The following PIK3R3 variants were observed in gnomAD, a reference collection of about 807,000 sequenced individuals.
The protein encoded by PIK3R3 is phosphoinositide-3-kinase regulatory subunit 3, also known as phosphatidylinositol 3-kinase regulatory subunit gamma.
Under a neutral mutation model 62.9 loss-of-function variants are expected in PIK3R3, and 64 were observed. The observed-to-expected ratio is 1.02, with a 90% CI of 0.83 to 1.25. The LOEUF (loss-of-function observed/expected upper bound fraction) is 1.25, where lower values mean the gene tolerates loss of function less well. Among genes scored for constraint, PIK3R3 ranks in the 50% most tolerant of loss-of-function variants. PIK3R3 has a pLI of 0.00. For synonymous variants in PIK3R3, 165 were observed against 189.0 expected (o/e 0.87, Z 1.04); for missense variants, 614 against 561.6 (o/e 1.09, Z -0.94).
At chr1:46,106,168 C>T (rs917937178) in intron 1 of PIK3R3, among the ~76,000 whole-genome samples, 3 of 152,116 alleles carry the variant, frequency 2.0e-5, no homozygotes, top group Non-Finnish European at 2.9e-5. Context: ...CAATGGACGA[C>T]TATGGCTTAC....
intron 1 of PIK3R3, among the ~76,000 whole-genome samples, chr1:46,119,890 A>C (rs1371603712): frequency 1.4e-5 from 2 of 147,840 alleles, no homozygotes; most frequent in Non-Finnish European, 3.0e-5. Flanking sequence ...TGATCCTCCC[A>C]CCTCAGCCTC....
upstream of PIK3R3, chr1:46,133,121 A>C (rs898936364): frequency 5.0e-6 from 4 of 797,972 alleles, no homozygotes; most frequent in Non-Finnish European, 6.1e-6. Context: ...CGGGCCAATC[A>C]GGAGACAGCC....
intron 6 of PIK3R3, among the ~76,000 whole-genome samples, chr1:46,059,605 A>C (rs1648275983): frequency 6.6e-6 from 1 of 152,106 alleles, no homozygotes; most frequent in South Asian, 2.1e-4. Flanking sequence ...GCTTGAGTCC[A>C]GGAGTTCAGG....
intron 1 of PIK3R3, among the ~76,000 whole-genome samples, chr1:46,106,634 T>C (rs1465664378): frequency 6.6e-6 from 1 of 152,200 alleles, no homozygotes; most frequent in Non-Finnish European, 1.5e-5. Context: ...CTAGAAGGCC[T>C]ATCAAGGAGT....
At chr1:46,053,075 C>T (rs1402314409) in intron 7 of PIK3R3, among the ~76,000 whole-genome samples, 1 of 152,188 alleles carries the variant, frequency 6.6e-6, no homozygotes, top group Non-Finnish European at 1.5e-5. Context: ...AGAGACAATT[C>T]TCTGTTAGAA....
At chr1:46,053,627 C>A (rs1161730993) in intron 7 of PIK3R3, among the ~76,000 whole-genome samples, 1 of 152,102 alleles carries the variant, frequency 6.6e-6, no homozygotes, top group Non-Finnish European at 1.5e-5. Flanking sequence ...CAGATCCTCA[C>A]CCCTCACCAG....
At chr1:46,089,542 C>T (rs1034476678) in intron 1 of PIK3R3, among the ~76,000 whole-genome samples, 1 of 151,936 alleles carries the variant, frequency 6.6e-6, no homozygotes, top group Non-Finnish European at 1.5e-5. Flanking sequence ...AGTGAAACCC[C>T]ATCTCTACTA....
At chr1:46,172,399 C>T in the PIK3R3 span, among the ~76,000 whole-genome samples, 72 of 152,216 alleles carry the variant, frequency 4.7e-4, 1 homozygote, top group Non-Finnish European at 2.9e-4. Flanking sequence ...GAGGCTGAGG[C>T]GGGAGGATCA....
rs1241917058 is a variant in PIK3R3 at position 46,093,770 on chromosome 1, G to T, written c.107-13020C>A. ...TTTGGGAGGCTGAGGCAGGAGAATCGCTTGAACCCAGGAGGCAGAGTTTGC... is the reference window on the plus strand; with the variant it reads ...TTTGGGAGGCTGAGGCAGGAGAATCTCTTGAACCCAGGAGGCAGAGTTTGC... On this transcript the variant is annotated intron_variant, in intron 1 of 9. Transcript: ENST00000262741. Among the ~76,000 whole-genome samples, 27 of 150,496 alleles carry T rather than the reference G, an allele frequency of 1.8e-4. No individual in the cohort carries two copies. The Admixed American group carries it at 1.8e-3, about 10-fold the overall frequency.
chr1:46,109,417 A>C (rs1036112060), intron 1 of PIK3R3, among the ~76,000 whole-genome samples: 5 of 151,994 alleles, frequency 3.3e-5, no homozygotes, highest in Non-Finnish European at 5.9e-5. Flanking sequence ...TAAATTGTAC[A>C]CTGTTAGCCA....
intron 1 of PIK3R3, among the ~76,000 whole-genome samples, chr1:46,106,739 T>A (rs1653243359): frequency 6.6e-6 from 1 of 152,152 alleles, no homozygotes; most frequent in South Asian, 2.1e-4. Context: ...GCAAATAATG[T>A]TGAGTCCTTT....
At chr1:46,132,725 G>C (rs777086771), upstream of PIK3R3, 22 of 1,288,510 alleles carry the variant, frequency 1.7e-5, no homozygotes, top group Non-Finnish European at 2.2e-5. Flanking sequence ...CAACCGCGCC[G>C]GGAGGGGGGA....
chr1:46,097,874 AG>A (rs1421457622), intron 1 of PIK3R3, among the ~76,000 whole-genome samples: 2 of 137,780 alleles, frequency 1.5e-5, no homozygotes, highest in Non-Finnish European at 3.1e-5. Context: ...GGGCAACAAG[AG>A]GGAAACTCCA....
At chr1:46,149,180 T>C in the PIK3R3 span, among the ~76,000 whole-genome samples, 1 of 152,094 alleles carries the variant, frequency 6.6e-6, no homozygotes, top group African/African-American at 2.4e-5. Flanking sequence ...CCCAGCACTT[T>C]GGGAGGCTGA....
chr1:46,126,948 G>A (rs1396014105), intron 1 of PIK3R3, among the ~76,000 whole-genome samples: 1 of 152,014 alleles, frequency 6.6e-6, no homozygotes, highest in African/African-American at 2.4e-5. Context: ...AAAAAAAATT[G>A]AGAACCACTT....
chr1:46,055,652 G>A, intron 7 of PIK3R3, 143 bp downstream of exon 7: 1 of 626,084 alleles, frequency 1.6e-6, no homozygotes, highest in Non-Finnish European at 2.7e-6. Context: ...CAACTACCAA[G>A]GACACTTTCC....
chr1:46,073,219 G>A (rs1214969015), intron 3 of PIK3R3, among the ~76,000 whole-genome samples: 2 of 152,132 alleles, frequency 1.3e-5, no homozygotes, highest in Non-Finnish European at 2.9e-5. Context: ...TGTCTGTTAT[G>A]ATAACCATGT....
At chr1:46,100,965 G>A (rs982804536) in intron 1 of PIK3R3, among the ~76,000 whole-genome samples, 6 of 151,022 alleles carry the variant, frequency 4.0e-5, no homozygotes, top group African/African-American at 1.2e-4. Context: ...AGGTAGGCTA[G>A]GAGTTCAAGA....
intron 1 of PIK3R3, among the ~76,000 whole-genome samples, chr1:46,093,049 C>T (rs1416658543): frequency 1.3e-5 from 2 of 152,186 alleles, no homozygotes; most frequent in African/African-American, 2.4e-5. Context: ...CCTAAATTTA[C>T]CTCTCTCCCA....
Sources: gnomAD v4.1 joint callset for allele counts (sites outside exome capture counted in the v4.1 genomes callset) on GRCh38, gnomAD v4.1.1 for gene constraint, MANE v1.5 for transcripts, NCBI Gene and HGNC (gene_info 2026-07-23, HGNC 2026-07-21) for gene names.